GPR35: variants seen among roughly 807,000 people sequenced by gnomAD.
The protein encoded by GPR35 is G protein-coupled receptor 35.
For missense variants in GPR35, 372 were observed against 422.5 expected (o/e 0.88, Z 1.05); for synonymous variants, 207 against 198.4 (o/e 1.04, Z -0.36).
chr2:240,619,384 G>A (rs2043269134), intron 5 of GPR35, among the ~76,000 whole-genome samples: 1 of 152,236 alleles, frequency 6.6e-6, no homozygotes, highest in African/African-American at 2.4e-5. Flanking sequence ...TCTATCAGCA[G>A]GCGTCTTGCC....
At chr2:240,614,771 A>G (rs549114833) in intron 2 of GPR35, among the ~76,000 whole-genome samples, 5 of 152,324 alleles carry the variant, frequency 3.3e-5, no homozygotes, top group East Asian at 1.9e-4. Flanking sequence ...CCCTCCACCC[A>G]GAGGCCCCTC....
chr2:240,630,809 C>T lies in GPR35; in HGVS notation c.857C>T (p.Ala286Val), dbSNP rs144723282. The change falls in exon 2 of 2, where the codon GCG becomes GTG. Residue 286 changes from alanine to valine, a missense_variant. Physicochemically the swap from Ala to Val is moderately conservative, Grantham distance 64. Transcript: ENST00000407714. ...TACATGGCCAAGGAGTTCCAGGAGGCGTCTGCACTGGCCGTGGCTCCCAGT... is the reference window on the plus strand; with the variant it reads ...TACATGGCCAAGGAGTTCCAGGAGGTGTCTGCACTGGCCGTGGCTCCCAGT... ...YYYMAKEFQE[A>V]SALAVAPSAK... 1.2e-4 allele frequency: 189 copies of T among 1,613,322 alleles called. 2 individuals are homozygous for T. In the African/African-American group the frequency reaches 2.1e-3, roughly 18 times the overall value.
chr2:240,630,241 C>A lies in GPR35; in HGVS notation c.289C>A (p.Leu97Met). The A allele has an allele frequency of 6.4e-7, 1 of 1,564,824 alleles. No homozygotes were observed. Among genetic ancestry groups the A allele is most frequent in the South Asian group, 1.2e-5 (1 of 85,748 alleles). The stretch of plus-strand genomic sequence containing the variant: ...GTGCCAGCTCTCCCAGGGCATCTAC[C>A]TGACCAACAGGTACATGAGCATCAG... Reference protein sequence around the residue: ...PLCQLSQGIYLTNRYMSISLV... With the variant: ...PLCQLSQGIYMTNRYMSISLV... Residue 97 changes from leucine (L) to methionine (M), a missense_variant, in exon 2 of 2, where the codon CTG becomes ATG. Leu to Met is a conservative substitution (Grantham distance 15). Coordinates refer to ENST00000407714, the MANE Select transcript of GPR35 (RefSeq NM_005301.5).
chr2:240,615,176 C>T (rs2043226963), intron 2 of GPR35, among the ~76,000 whole-genome samples: 1 of 152,104 alleles, frequency 6.6e-6, no homozygotes, highest in Non-Finnish European at 1.5e-5. Flanking sequence ...TGTATTGCAC[C>T]ACCACCCAGG....
intron 2 of GPR35, among the ~76,000 whole-genome samples, chr2:240,615,410 G>A (rs922789869): frequency 6.6e-6 from 1 of 152,236 alleles, no homozygotes; most frequent in African/African-American, 2.4e-5. Context: ...TGGAGTTAAA[G>A]GAGAAGGCCA....
chr2:240,624,013 G>GA (rs1559437992), upstream of GPR35, among the ~76,000 whole-genome samples: 1 of 151,918 alleles, frequency 6.6e-6, no homozygotes, highest in Non-Finnish European at 1.5e-5. Flanking sequence ...TGGTGGTGGG[G>GA]GGGGTGGGGG....
chr2:240,622,986 G>A (rs1274699055), upstream of GPR35, among the ~76,000 whole-genome samples: 1 of 152,218 alleles, frequency 6.6e-6, no homozygotes, highest in Admixed American at 6.5e-5. Context: ...CTGCCATCTG[G>A]CCTCTCGAAC....
Position 240,633,049 on chromosome 2 carries a change from T to C in GPR35, c.*2167T>C, listed in dbSNP as rs1046610844. ...TTCACTTCTCCTTCCTACTGTCTTATGAAGAAGGTTCCTTGCTTCCCCTTC... is the reference window on the plus strand; with the variant it reads ...TTCACTTCTCCTTCCTACTGTCTTACGAAGAAGGTTCCTTGCTTCCCCTTC... On this transcript the variant is annotated 3_prime_UTR_variant, in exon 2 of 2. Coordinates refer to ENST00000407714, the MANE Select transcript of GPR35 (RefSeq NM_005301.5). Among the ~76,000 whole-genome samples, 2 of 152,230 alleles carry C rather than the reference T, an allele frequency of 1.3e-5. No individual in the cohort carries two copies. Among genetic ancestry groups the C allele is most frequent in the Non-Finnish European group, 2.9e-5 (2 of 68,036 alleles).
rs117432726 is a variant in GPR35, at chr2:240,625,577, C to T, written c.-5+9C>T. ...GCCAAAGCTGCCTGCAGGTCAGTGC[C>T]GCCCACTGCCCTAGGGGCCTCCCAG... On this transcript the variant is annotated intron_variant, in intron 1 of 1. Transcript: ENST00000407714. 720 of 982,400 alleles carry T rather than the reference C, an allele frequency of 7.3e-4. 27 individuals carry two copies. In the East Asian group the frequency reaches 0.054, roughly 73 times the overall value. 60.9% of individuals were successfully genotyped at this position (982,400 alleles called of 1,614,324 possible). A position where few individuals can be genotyped will look rare whatever the true frequency, so the allele number is the denominator to read the frequency against.
chr2:240,619,998 G>A (rs1221297271), intron 5 of GPR35, among the ~76,000 whole-genome samples: 3 of 152,352 alleles, frequency 2.0e-5, no homozygotes, highest in African/African-American at 7.2e-5. Flanking sequence ...GGGCCAAGGA[G>A]CAGGCAGCTT....
intron 2 of GPR35, among the ~76,000 whole-genome samples, chr2:240,613,432 A>G (rs73110017): frequency 0.037 from 5,646 of 152,176 alleles, 338 homozygotes; most frequent in African/African-American, 0.13. Flanking sequence ...GTAAACCATA[A>G]TGAACCATAA....
intron 2 of GPR35, among the ~76,000 whole-genome samples, chr2:240,613,553 T>C (rs2043206829): frequency 6.6e-6 from 1 of 151,740 alleles, no homozygotes; most frequent in Non-Finnish European, 1.5e-5. Context: ...CCATAAATCA[T>C]GTGGACTCCA....
rs962351135 is a variant in GPR35 at position 240,631,059 on chromosome 2, A to C, written c.*177A>C. 1 of 623,434 alleles carries C rather than the reference A, an allele frequency of 1.6e-6. No individual in the cohort carries two copies. The highest frequency in any genetic ancestry group is 1.8e-5 in the African/African-American group (1 of 54,114). 38.6% of individuals were successfully genotyped at this position (623,434 alleles called of 1,614,324 possible). A position where few individuals can be genotyped will look rare whatever the true frequency, so the allele number is the denominator to read the frequency against. On this transcript the variant is annotated 3_prime_UTR_variant, in exon 2 of 2. Transcript: ENST00000407714. ...GGTACCTGCTCTCTTGGGAAGAGAG[A>C]GGGACAGGGACAAGGGCAAGAGGAC... is the stretch of plus-strand genomic sequence containing the variant.
chr2:240,628,761 C>G (rs2125488579), intron 1 of GPR35: 1 of 152,406 alleles, frequency 6.6e-6, no homozygotes, highest in Middle Eastern at 3.4e-3. Context: ...TCCATACCAG[C>G]CCAGCAGGAA....
intron 2 of GPR35, among the ~76,000 whole-genome samples, chr2:240,611,066 G>A (rs531591233): frequency 6.6e-6 from 1 of 152,148 alleles, no homozygotes; most frequent in Non-Finnish European, 1.5e-5. Context: ...CTGAGTAGCT[G>A]GGATTACAGG....
Position 240,632,609 on chromosome 2 carries a change from C to T in GPR35, c.*1727C>T, listed in dbSNP as rs2043461877. Among the ~76,000 whole-genome samples the T allele has an allele frequency of 6.6e-6, 1 of 151,372 alleles. No homozygotes were observed. Among genetic ancestry groups the T allele is most frequent in the Non-Finnish European group, 1.5e-5 (1 of 67,834 alleles). Reference sequence around the variant, plus strand: ...GTCCATGCCTAGGAGGGCCCATACACAACAGAGCCCTGTGCCCAGGAAGGA... The same window carrying T: ...GTCCATGCCTAGGAGGGCCCATACATAACAGAGCCCTGTGCCCAGGAAGGA... On this transcript the variant is annotated 3_prime_UTR_variant, in exon 2 of 2. Transcript: ENST00000407714.
Position 240,630,328 on chromosome 2 carries a change from G to T in GPR35, c.376G>T (p.Gly126Trp). ...VAVRHPLRAR[G>W]LRSPRQAAAV... ...CGTGCGGCACCCGCTGCGTGCCCGC[G>T]GGCTGCGGTCCCCCAGGCAGGCTGC... The change falls in exon 2 of 2, where the codon GGG (glycine) becomes TGG (tryptophan). Residue 126 changes from glycine to tryptophan, a missense_variant. By Grantham distance (184) the Gly-to-Trp change is radical (BLOSUM62 -2). Coordinates refer to ENST00000407714, the MANE Select transcript of GPR35 (RefSeq NM_005301.5). The T allele has an allele frequency of 6.3e-7, 1 of 1,594,474 alleles. No individual in the cohort carries two copies. The highest frequency in any genetic ancestry group is 8.5e-7 in the Non-Finnish European group (1 of 1,173,964).
intron 2 of GPR35, among the ~76,000 whole-genome samples, chr2:240,610,686 G>A (rs1434397269): frequency 6.6e-6 from 1 of 151,890 alleles, no homozygotes. Flanking sequence ...CCAGGCTGGA[G>A]TGCAGTGGCA....
chr2:240,620,596 C>T (rs751408565), upstream of GPR35, among the ~76,000 whole-genome samples: 38 of 152,260 alleles, frequency 2.5e-4, no homozygotes, highest in Middle Eastern at 3.4e-3. Flanking sequence ...CCTGGGACCC[C>T]GTGTCCCCTG....
Sources: gnomAD v4.1 joint callset for allele counts (sites outside exome capture counted in the v4.1 genomes callset) on GRCh38, gnomAD v4.1.1 for gene constraint, MANE v1.5 for transcripts, NCBI Gene and HGNC (gene_info 2026-07-23, HGNC 2026-07-21) for gene names.